Variants in C10orf105 observed in about 807,000 individuals in gnomAD.
C10orf105 encodes the protein uncharacterized protein C10orf105.
C10orf105 carries 2 observed loss-of-function variants against 0.6 expected under a neutral mutation model. That is an observed-to-expected ratio of 3.18 (90% CI 1.30 to 10.01). C10orf105 has a LOEUF of 10.01. Ranked by LOEUF, C10orf105 falls within the 30% of genes most tolerant of loss-of-function variation. The pLI is 0.04. For missense variants in C10orf105, 209 were observed against 191.4 expected, an observed-to-expected ratio of 1.09 and a Z score of -0.54; for synonymous variants, 95 against 82.4, an observed-to-expected ratio of 1.15 and a Z score of -0.83.
intron 1 of C10orf105, chr10:71,734,328 T>C: frequency 6.2e-7 from 1 of 1,609,350 alleles, no homozygotes. Flanking sequence ...GGCCCCAAGG[T>C]GGACTCCACC....
chr10:71,723,395 T>A (rs1432208612), upstream of C10orf105, among the ~76,000 whole-genome samples: 1 of 151,880 alleles, frequency 6.6e-6, no homozygotes, highest in Non-Finnish European at 1.5e-5. Context: ...TGTCTCAGAG[T>A]GACAACAACG....
Position 71,730,613 on chromosome 10 carries a change from G to T in C10orf105, c.-6+7115C>A. On this transcript the variant is annotated intron_variant, in intron 1 of 1. Transcript: ENST00000398786. The stretch of plus-strand genomic sequence containing the variant: ...CACAGACCGAGACTCTGGTGAGGCT[G>T]GCAGGAGGAAGCCGGGGATCCCATT... 1 of 1,613,626 alleles carries T rather than the reference G, an allele frequency of 6.2e-7. No individual in the cohort carries two copies. Among genetic ancestry groups the T allele is most frequent in the Admixed American group, 1.7e-5 (1 of 60,022 alleles).
In C10orf105 at chr10:71,714,299, C is replaced by A. The variant is rs1371492698; in HGVS notation, c.*1637G>T. 6.6e-6 allele frequency: 1 copy of A among 151,980 alleles called. No homozygotes were observed. The highest frequency in any genetic ancestry group is 2.4e-5 in the African/African-American group (1 of 41,336). 9.4% of individuals were successfully genotyped at this position (151,980 alleles called of 1,614,324 possible). The stretch of plus-strand genomic sequence containing the variant: ...AGACTCCTGCCTCAGAGGGTGGGGA[C>A]ACACCCAGGCTGGGCCACGCTTCAC... On this transcript the variant is annotated 3_prime_UTR_variant, in exon 2 of 2. Transcript: ENST00000441508.
At position 71,713,244 on chromosome 10, in the gene C10orf105, G is replaced by A; in HGVS notation, c.*2692C>T. 1 of 779,384 alleles carries A rather than the reference G, an allele frequency of 1.3e-6. No homozygotes were observed. Among genetic ancestry groups the A allele is most frequent in the Non-Finnish European group, 2.4e-6 (1 of 417,814 alleles). 48.3% of individuals were successfully genotyped at this position (779,384 alleles called of 1,614,324 possible). On this transcript the variant is annotated 3_prime_UTR_variant, in exon 2 of 2. Transcript: ENST00000441508. ...CCTCTTGGGAAGTAAACAGGCACAA[G>A]AAGAAAGGGCTCCTTTGCCCAGGGA... is the stretch of plus-strand genomic sequence containing the variant.
intron 1 of C10orf105, chr10:71,737,655 G>T (rs904899394): frequency 3.2e-5 from 15 of 466,406 alleles, no homozygotes; most frequent in Non-Finnish European, 6.6e-5. Flanking sequence ...GTGGGAGAAG[G>T]CCTGTCCTGG....
At chr10:71,730,402 G>T in intron 1 of C10orf105, 1 of 1,575,438 alleles carries the variant, frequency 6.3e-7, no homozygotes, top group South Asian at 1.2e-5. Flanking sequence ...GGCCACAGTG[G>T]GCCAAGCCCT....
At chr10:71,733,556 G>C (rs1180914276) in intron 1 of C10orf105, among the ~76,000 whole-genome samples, 1 of 152,146 alleles carries the variant, frequency 6.6e-6, no homozygotes, top group South Asian at 2.1e-4. Flanking sequence ...AATGCCAGGG[G>C]ATTAAGAGCT....
At chr10:71,728,815 C>T (rs888082471) in intron 1 of C10orf105, among the ~76,000 whole-genome samples, 9 of 152,104 alleles carry the variant, frequency 5.9e-5, no homozygotes, top group South Asian at 4.1e-4. Flanking sequence ...GCAATCCTCC[C>T]GCCTCAGCCT....
chr10:71,730,153 A>G (rs1839317395), intron 1 of C10orf105, among the ~76,000 whole-genome samples: 1 of 152,164 alleles, frequency 6.6e-6, no homozygotes, highest in South Asian at 2.1e-4. Flanking sequence ...TTATCTTAAT[A>G]TTACCACTTT....
chr10:71,736,854 G>T (rs1839581083), intron 1 of C10orf105, among the ~76,000 whole-genome samples: 1 of 152,170 alleles, frequency 6.6e-6, no homozygotes. Flanking sequence ...TGTATGCCCT[G>T]AGAGAAAGCC....
In C10orf105 at chr10:71,737,104, G is replaced by A. The variant is rs187730851; in HGVS notation, c.-6+624C>T. On this transcript the variant is annotated intron_variant, in intron 1 of 1. Coordinates refer to the C10orf105 transcript ENST00000398786. ...AAGGACCCTTGTCTGTTTTCACCCT[G>A]AGAACAGTGTGATAGGTATTGTTTT... Among the ~76,000 whole-genome samples, 7 of 152,308 alleles carry A rather than the reference G, an allele frequency of 4.6e-5. No individual in the cohort carries two copies. The South Asian group carries it at 8.3e-4, about 18-fold the overall frequency.
At chr10:71,731,907 G>T in intron 1 of C10orf105, 1 of 1,480,922 alleles carries the variant, frequency 6.8e-7, no homozygotes, top group East Asian at 2.4e-5. Flanking sequence ...CAGGGGGTAT[G>T]GGTGTGGCAG....
intron 1 of C10orf105, chr10:71,731,917 G>A (rs1839403714): frequency 6.6e-7 from 1 of 1,519,342 alleles, no homozygotes; most frequent in African/African-American, 1.4e-5. Flanking sequence ...GGGTGTGGCA[G>A]CTTGAGAAGC....
intron 1 of C10orf105, among the ~76,000 whole-genome samples, chr10:71,733,516 A>C (rs996115532): frequency 4.6e-5 from 7 of 152,150 alleles, no homozygotes; most frequent in African/African-American, 1.7e-4. Context: ...GAGTTGCCTC[A>C]TTAGAACAAA....
upstream of C10orf105, among the ~76,000 whole-genome samples, chr10:71,720,002 G>C (rs555538345): frequency 1.3e-5 from 2 of 152,238 alleles, no homozygotes; most frequent in African/African-American, 2.4e-5. Flanking sequence ...GGAGACGCAG[G>C]GGGAGGGTTT....
chr10:71,734,847 C>G (rs1156457629), intron 1 of C10orf105, among the ~76,000 whole-genome samples: 1 of 152,254 alleles, frequency 6.6e-6, no homozygotes, highest in Admixed American at 6.5e-5. Flanking sequence ...TGTCCCCTGC[C>G]TCCAACTCTG....
In C10orf105 at chr10:71,716,026, G is replaced by T. The variant is rs1474327164; in HGVS notation, c.312C>A (p.Arg104=). 44 of 1,502,624 alleles carry T rather than the reference G, an allele frequency of 2.9e-5. No individual in the cohort carries two copies. The highest frequency in any genetic ancestry group is 3.9e-5 in the Non-Finnish European group (44 of 1,124,944). 93.1% of individuals were successfully genotyped at this position (1,502,624 alleles called of 1,614,324 possible). Reference sequence around the variant, plus strand: ...GTCGAGGGACGGTGGGCCGGCCATGGCGGAAGCTGTGCAGGGAGAGGCGCA... The same window carrying T: ...GTCGAGGGACGGTGGGCCGGCCATGTCGGAAGCTGTGCAGGGAGAGGCGCA... ...GSLRLSLHSF[R]HGRPTVPRQP... The change falls in exon 2 of 2, where the codon CGC becomes CGA. Residue 104 remains arginine (R), a synonymous_variant. Transcript: ENST00000441508.
chr10:71,734,237 C>T, intron 1 of C10orf105: 4 of 1,606,198 alleles, frequency 2.5e-6, no homozygotes, highest in East Asian at 2.2e-5. Flanking sequence ...CCCTTCCCTG[C>T]AGGGTGTGAT....
At position 71,712,549 on chromosome 10, in the gene C10orf105, C is replaced by A; in HGVS notation, c.*3387G>T. 2.6e-6 allele frequency: 3 copies of A among 1,170,170 alleles called. No individual in the cohort carries two copies. The highest frequency in any genetic ancestry group is 2.0e-4 in the Middle Eastern group (1 of 5,124). The allele number at this position is 1,170,170 out of a possible 1,614,324, so 72.5% of individuals were successfully genotyped here. A position where few individuals can be genotyped will look rare whatever the true frequency, so the allele number is the denominator to read the frequency against. On this transcript the variant is annotated 3_prime_UTR_variant, in exon 2 of 2. Coordinates refer to ENST00000441508, the MANE Select transcript of C10orf105 (RefSeq NM_001164375.3). ...AAGTCACCCCTTGCAAAGGCTAGGG[C>A]AGATGGGGCGGAACAGGGCACCTCT...
Sources: gnomAD v4.1 joint callset for allele counts (sites outside exome capture counted in the v4.1 genomes callset) on GRCh38, gnomAD v4.1.1 for gene constraint, MANE v1.5 for transcripts, NCBI Gene and HGNC (gene_info 2026-07-23, HGNC 2026-07-21) for gene names.